The following SNTG1 variants were observed in gnomAD, a reference collection of about 807,000 sequenced individuals.
SNTG1 encodes syntrophin gamma 1, also known as gamma-1-syntrophin.
In SNTG1, 39 loss-of-function variants were observed where a neutral mutation model predicts 74.7. That is an observed-to-expected ratio of 0.52 (90% CI 0.40 to 0.68). The LOEUF (loss-of-function observed/expected upper bound fraction) is 0.68, where lower values mean the gene tolerates loss of function less well. Among genes scored for constraint, SNTG1 ranks in the 30% least tolerant of loss-of-function variants. The probability of loss-of-function intolerance (pLI) is 0.00; values close to 1 mark genes in which losing one functional copy is unlikely to be tolerated. For synonymous variants in SNTG1, 254 were observed against 217.1 expected, an observed-to-expected ratio of 1.17 and a Z score of -1.49; for missense variants, 685 against 609.5, an observed-to-expected ratio of 1.12 and a Z score of -1.30.
At chr8:49,984,322 C>CA (rs1023575986) in intron 1 of SNTG1, among the ~76,000 whole-genome samples, 1 of 152,048 alleles carries the variant, frequency 6.6e-6, no homozygotes, top group Non-Finnish European at 1.5e-5. Flanking sequence ...TCTCCTGCCT[C>CA]AGTCTCCCGA....
intron 1 of SNTG1, among the ~76,000 whole-genome samples, chr8:50,148,109 T>C (rs1206325462): frequency 2.0e-5 from 3 of 152,168 alleles, no homozygotes; most frequent in Non-Finnish European, 4.4e-5. Context: ...AGCGTGTGTG[T>C]GTATACATAG....
chr8:50,338,323 A>G (rs1587203899), intron 2 of SNTG1, among the ~76,000 whole-genome samples: 2 of 152,200 alleles, frequency 1.3e-5, no homozygotes, highest in African/African-American at 4.8e-5. Context: ...GCTCACACTA[A>G]TGATCTACTC....
At chr8:50,105,991 C>T (rs1329183700) in intron 1 of SNTG1, among the ~76,000 whole-genome samples, 3 of 152,104 alleles carry the variant, frequency 2.0e-5, no homozygotes, top group Non-Finnish European at 4.4e-5. Context: ...AATAGTTTGA[C>T]TTACTCTCTT....
At chr8:49,927,856 G>A (rs146660777) in intron 1 of SNTG1, among the ~76,000 whole-genome samples, 1,633 of 152,086 alleles carry the variant, frequency 0.011, 27 homozygotes, top group African/African-American at 0.037. Context: ...GGTGGCTCAA[G>A]CCTGTAATCC....
chr8:50,003,612 C>CT (rs1337920873), intron 1 of SNTG1, among the ~76,000 whole-genome samples: 1 of 152,084 alleles, frequency 6.6e-6, no homozygotes, highest in Non-Finnish European at 1.5e-5. Flanking sequence ...GCGAAATTTA[C>CT]TTTTTCCCTG....
intron 2 of SNTG1, among the ~76,000 whole-genome samples, chr8:50,282,237 C>G (rs2088502725): frequency 6.6e-6 from 1 of 152,172 alleles, no homozygotes; most frequent in African/African-American, 2.4e-5. Context: ...ACTTCTCCCT[C>G]ACACAGAAAA....
chr8:50,747,363 G>A (rs775007707), intron 17 of SNTG1, among the ~76,000 whole-genome samples: 2 of 151,826 alleles, frequency 1.3e-5, no homozygotes, highest in Non-Finnish European at 1.5e-5. Context: ...TTTCTTGAGC[G>A]TGCTACTCAT....
intron 15 of SNTG1, among the ~76,000 whole-genome samples, chr8:50,692,564 G>A (rs111662524): frequency 0.021 from 3,258 of 152,166 alleles, 99 homozygotes; most frequent in African/African-American, 0.071. Flanking sequence ...GCAGAACAGC[G>A]GACATTAGTG....
chr8:50,136,339 C>T (rs1352216194), intron 1 of SNTG1, among the ~76,000 whole-genome samples: 1 of 152,096 alleles, frequency 6.6e-6, no homozygotes, highest in Non-Finnish European at 1.5e-5. Flanking sequence ...AAACTGCTTT[C>T]CATGGTGGAT....
At chr8:50,204,485 A>G (rs1032708399) in intron 2 of SNTG1, among the ~76,000 whole-genome samples, 1 of 152,186 alleles carries the variant, frequency 6.6e-6, no homozygotes. Context: ...TTCATTTTGT[A>G]TAGCATATTA....
At chr8:50,238,018 G>A (rs1263057166) in intron 2 of SNTG1, among the ~76,000 whole-genome samples, 1 of 151,972 alleles carries the variant, frequency 6.6e-6, no homozygotes, top group East Asian at 1.9e-4. Context: ...GATTAAAATT[G>A]TTGAGCCATA....
At chr8:49,914,057 C>T (rs923524800) in intron 1 of SNTG1, among the ~76,000 whole-genome samples, 1 of 152,172 alleles carries the variant, frequency 6.6e-6, no homozygotes, top group Non-Finnish European at 1.5e-5. Context: ...AAACCCTTGT[C>T]AATCCTTATC....
intron 2 of SNTG1, among the ~76,000 whole-genome samples, chr8:50,299,794 C>T (rs1460757480): frequency 6.6e-6 from 1 of 152,042 alleles, no homozygotes; most frequent in Admixed American, 6.6e-5. Flanking sequence ...AGATACGTGT[C>T]ACTAGGAGTT....
chr8:50,441,132 C>A (rs996054734), intron 5 of SNTG1, among the ~76,000 whole-genome samples: 1 of 152,108 alleles, frequency 6.6e-6, no homozygotes, highest in African/African-American at 2.4e-5. Flanking sequence ...TTATGTAGGT[C>A]TGAGTCCATT....
chr8:50,182,649 T>C (rs2083246663), intron 2 of SNTG1, among the ~76,000 whole-genome samples: 1 of 152,152 alleles, frequency 6.6e-6, no homozygotes, highest in Non-Finnish European at 1.5e-5. Flanking sequence ...TGCGTGTGTG[T>C]GTACACCAGA....
chr8:49,921,953 C>A (rs1043159747), intron 1 of SNTG1, among the ~76,000 whole-genome samples: 3 of 152,038 alleles, frequency 2.0e-5, no homozygotes, highest in Admixed American at 6.6e-5. Flanking sequence ...TTTCAGATAA[C>A]GGTGTCTCTT....
intron 12 of SNTG1, among the ~76,000 whole-genome samples, chr8:50,568,227 T>TTGTTTGTGTGTGTGTGTGTG (rs140888701): frequency 1.4e-3 from 212 of 146,380 alleles, no homozygotes; most frequent in East Asian, 4.1e-3. Context: ...TTGTCCATGT[T>TTGTTTGTGTGTGTGTGTGTG]TGTGTGTGTG....
intron 17 of SNTG1, among the ~76,000 whole-genome samples, chr8:50,719,476 A>G (rs1229464745): frequency 6.6e-6 from 1 of 152,196 alleles, no homozygotes; most frequent in Non-Finnish European, 1.5e-5. Flanking sequence ...TGTAAGAAAT[A>G]CATTTCTATT....
At chr8:50,212,863 T>C (rs927640695) in intron 2 of SNTG1, among the ~76,000 whole-genome samples, 6 of 152,138 alleles carry the variant, frequency 3.9e-5, no homozygotes, top group African/African-American at 1.2e-4. Context: ...ACTGACCAAT[T>C]TGAATAGAAG....
Sources: gnomAD v4.1 joint callset for allele counts (sites outside exome capture counted in the v4.1 genomes callset) on GRCh38, gnomAD v4.1.1 for gene constraint, MANE v1.5 for transcripts, NCBI Gene and HGNC (gene_info 2026-07-23, HGNC 2026-07-21) for gene names.